The following STX18 variants were observed in gnomAD, a reference collection of about 807,000 sequenced individuals.
The protein encoded by STX18 is syntaxin-18.
In STX18, 40 loss-of-function variants were observed where a neutral mutation model predicts 50.1. The observed-to-expected ratio is 0.80, with a 90% CI of 0.62 to 1.04. The LOEUF (loss-of-function observed/expected upper bound fraction) is 1.04, where lower values mean the gene tolerates loss of function less well. STX18 is among the 50% of genes least tolerant of loss of function. The probability of loss-of-function intolerance (pLI) is 0.00; values close to 1 mark genes in which losing one functional copy is unlikely to be tolerated. For missense variants in STX18, 410 were observed against 415.8 expected (o/e 0.99, Z 0.12); for synonymous variants, 158 against 151.8 (o/e 1.04, Z -0.30).
chr4:4,453,351 A>T (rs1251499712), intron 5 of STX18, among the ~76,000 whole-genome samples: 1 of 152,030 alleles, frequency 6.6e-6, no homozygotes, highest in Non-Finnish European at 1.5e-5. Flanking sequence ...ACCTTCAGCA[A>T]CCCCCACCCT....
At chr4:4,485,428 C>T (rs1728656381) in intron 1 of STX18, among the ~76,000 whole-genome samples, 1 of 152,208 alleles carries the variant, frequency 6.6e-6, no homozygotes, top group Admixed American at 6.5e-5. Context: ...CTCTGGACTT[C>T]AACACATTCT....
rs115409029 is a variant in STX18 at position 4,535,293 on chromosome 4, A to G, written c.168+6504T>C. 3.9e-3 allele frequency among the ~76,000 whole-genome samples: 600 copies of G among 152,318 alleles called. 6 individuals carry two copies. The highest frequency in any genetic ancestry group is 0.02 in the Middle Eastern group (6 of 294). On this transcript the variant is annotated intron_variant, in intron 1 of 10. Transcript: ENST00000306200. ...GTTTATTGGATGATGGTATAAATCA[A>G]TTATTGAATAAATACATTTCAAAAC...
At chr4:4,472,022 C>T (rs1052755938) in intron 1 of STX18, among the ~76,000 whole-genome samples, 2 of 152,168 alleles carry the variant, frequency 1.3e-5, no homozygotes, top group Admixed American at 1.3e-4. Context: ...AGGTTAATTC[C>T]TTTTCTTTTC....
At position 4,457,239 on chromosome 4, in the gene STX18, G is replaced by T; in HGVS notation, c.449C>A (p.Ser150Ter). The T allele has an allele frequency of 6.2e-7, 1 of 1,614,022 alleles. No individual in the cohort carries two copies. The highest frequency in any genetic ancestry group is 1.1e-5 in the South Asian group (1 of 91,062). Residue 150 changes from serine (S) to a stop codon, truncating the protein, a stop_gained, in exon 5 of 11, where the codon TCA becomes TAA. Coordinates refer to ENST00000306200, the MANE Select transcript of STX18 (RefSeq NM_016930.4). LOFTEE classifies it high-confidence loss of function. ...DYLKRVCKLY[S>*]EQRAIRVKRV... Reference sequence around the variant, plus strand: ...TTTAACTCGGATGGCTCTCTGTTCTGAGTAAAGTTTACATACTCCTGTTGC... The same window carrying T: ...TTTAACTCGGATGGCTCTCTGTTCTTAGTAAAGTTTACATACTCCTGTTGC...
chr4:4,461,658 C>T (rs1450665060), intron 2 of STX18, among the ~76,000 whole-genome samples: 2 of 152,198 alleles, frequency 1.3e-5, no homozygotes, highest in South Asian at 2.1e-4. Context: ...AAAAGAAAGG[C>T]TTTAAGCAGT....
At chr4:4,482,714 T>C (rs1728520890) in intron 1 of STX18, among the ~76,000 whole-genome samples, 1 of 152,208 alleles carries the variant, frequency 6.6e-6, no homozygotes, top group Admixed American at 6.5e-5. Flanking sequence ...CTGCCCAGAA[T>C]GTCTTCATTC....
intron 5 of STX18, among the ~76,000 whole-genome samples, chr4:4,450,877 T>C (rs930898199): frequency 1.3e-5 from 2 of 152,254 alleles, no homozygotes; most frequent in Admixed American, 1.3e-4. Context: ...ACTCCTTTAA[T>C]GTCTGTCATC....
Position 4,420,115 on chromosome 4 carries a change from G to GTTGTT in STX18, c.922_926dup (p.Asn309LysfsTer15), listed in dbSNP as rs1560152882. On this transcript the variant is annotated frameshift_variant, in exon 11 of 11. Coordinates refer to ENST00000306200, the MANE Select transcript of STX18 (RefSeq NM_016930.4). LOFTEE classifies it high-confidence loss of function. The surrounding 1 kb of genome is among the most constrained non-coding windows in gnomAD (Gnocchi z 4.3). ...AGAGGATCCACACGCGGAAGCCAGC[G>GTTGTT]TTGTTTTTAATGGCCTGGGCAGGGA... The GTTGTT allele has an allele frequency of 3.1e-6, 5 of 1,612,086 alleles. No individual in the cohort carries two copies. The South Asian group carries it at 5.5e-5, about 18-fold the overall frequency.
Position 4,459,410 on chromosome 4 carries a change from C to T in STX18, c.314G>A (p.Arg105Lys), listed in dbSNP as rs765253900. The T allele has an allele frequency of 1.2e-6, 2 of 1,614,082 alleles. No individual in the cohort carries two copies. Among genetic ancestry groups the T allele is most frequent in the South Asian group, 1.1e-5 (1 of 91,080 alleles). ...QIDQDAQIFMRTCSEAIQQLR... is the reference protein window; with the variant it reads ...QIDQDAQIFMKTCSEAIQQLR... The stretch of plus-strand genomic sequence containing the variant: ...TTGCTGAATTGCTTCTGAACAGGTC[C>T]TCATGAATATCTGGGCATCCTGGTC... The change falls in exon 3 of 11, where the codon AGG becomes AAG. Residue 105 changes from arginine (R) to lysine (K), a missense_variant. Coordinates refer to ENST00000306200, the MANE Select transcript of STX18 (RefSeq NM_016930.4).
At chr4:4,504,765 C>T (rs561101476) in intron 1 of STX18, among the ~76,000 whole-genome samples, 4 of 152,072 alleles carry the variant, frequency 2.6e-5, no homozygotes, top group Admixed American at 6.6e-5. Context: ...TCACTACACA[C>T]CTATTAAAAT....
In STX18 at chr4:4,434,765, A is replaced by T; in HGVS notation, c.702+5T>A. 1 of 1,602,320 alleles carries T rather than the reference A, an allele frequency of 6.2e-7. No homozygotes were observed. The highest frequency in any genetic ancestry group is 1.1e-5 in the South Asian group (1 of 87,768). On this transcript the variant is annotated splice_donor_5th_base_variant and intron_variant, in intron 7 of 10. Coordinates refer to ENST00000306200, the MANE Select transcript of STX18 (RefSeq NM_016930.4). ...AATAAATAATTAGGCAGAGAATAGC[A>T]TTACCATTTGTATTTCTTCTGGGGA...
At chr4:4,458,350 G>C (rs1297264117) in intron 3 of STX18, among the ~76,000 whole-genome samples, 2 of 152,066 alleles carry the variant, frequency 1.3e-5, no homozygotes, top group Non-Finnish European at 2.9e-5. Flanking sequence ...CCTTACTATA[G>C]GGCTGCTTAA....
chr4:4,430,925 G>A (rs1226841550), intron 7 of STX18, among the ~76,000 whole-genome samples: 1 of 152,200 alleles, frequency 6.6e-6, no homozygotes, highest in African/African-American at 2.4e-5. Flanking sequence ...AGCCAACTCT[G>A]TCTAGTCCCA....
intron 1 of STX18, among the ~76,000 whole-genome samples, chr4:4,531,563 C>T (rs1731097620): frequency 2.0e-5 from 3 of 152,170 alleles, no homozygotes; most frequent in Admixed American, 1.3e-4. Flanking sequence ...AGCACCTCCC[C>T]GTTTCACACT....
chr4:4,511,975 G>C (rs966982914), intron 1 of STX18, among the ~76,000 whole-genome samples: 3 of 152,054 alleles, frequency 2.0e-5, no homozygotes, highest in Non-Finnish European at 4.4e-5. Flanking sequence ...GTACATTGTA[G>C]AATGTTTAGC....
intron 1 of STX18, among the ~76,000 whole-genome samples, chr4:4,514,857 G>T (rs374605018): frequency 6.6e-6 from 1 of 152,002 alleles, no homozygotes; most frequent in Non-Finnish European, 1.5e-5. Flanking sequence ...GGTCTCTCAA[G>T]TTCCTAGTTA....
Position 4,541,908 on chromosome 4 carries a change from C to T in STX18, c.57G>A (p.Arg19=), listed in dbSNP as rs1238921894. The change falls in exon 1 of 11, where the codon CGG becomes CGA. Residue 19 remains arginine (R), a synonymous_variant. Transcript: ENST00000306200. The part of the protein sequence containing the change: ...FRASVKTVKT[R]NKALGVAVGG... ...CCACCGCCACTCCCAGCGCCTTGTT[C>T]CGCGTCTTCACGGTCTTGACGCTGG... 2 of 1,610,874 alleles carry T rather than the reference C, an allele frequency of 1.2e-6. No individual in the cohort carries two copies. Among genetic ancestry groups the T allele is most frequent in the East Asian group, 2.2e-5 (1 of 44,748 alleles).
intron 5 of STX18, among the ~76,000 whole-genome samples, chr4:4,448,042 G>A (rs1726525667): frequency 1.3e-5 from 2 of 152,186 alleles, no homozygotes. Flanking sequence ...GACTGAAGGA[G>A]CCTTGACAGA....
intron 7 of STX18, 49 bp from the exon 8 acceptor site, chr4:4,425,271 A>C (rs373538068): frequency 6.5e-7 from 1 of 1,544,802 alleles, no homozygotes; most frequent in Non-Finnish European, 9.0e-7. Context: ...GAACTTAGGC[A>C]AGAGTCTAGC....
Sources: allele counts gnomAD v4.1 joint callset (sites outside exome capture counted in the v4.1 genomes callset), GRCh38; gene constraint gnomAD v4.1.1; non-coding constraint Gnocchi (gnomAD v3.1); transcripts MANE v1.5; gene names NCBI Gene and HGNC (gene_info 2026-07-23, HGNC 2026-07-21).